EPAS1: variants seen among roughly 807,000 people sequenced by gnomAD.
EPAS1 encodes the protein endothelial PAS domain protein 1.
In EPAS1, 23 loss-of-function variants were observed where a neutral mutation model predicts 87.9. That is an observed-to-expected ratio of 0.26 (90% CI 0.19 to 0.37). The LOEUF (loss-of-function observed/expected upper bound fraction) is 0.37. Among genes scored for constraint, EPAS1 ranks in the 10% least tolerant of loss-of-function variants. The pLI is 1.00. For synonymous variants in EPAS1, 508 were observed against 444.3 expected (o/e 1.14, Z -1.80); for missense variants, 1,138 against 1,120.7 (o/e 1.02, Z -0.22).
intron 1 of EPAS1, among the ~76,000 whole-genome samples, chr2:46,309,543 G>C (rs1683172080): frequency 6.6e-6 from 1 of 152,214 alleles, no homozygotes; most frequent in African/African-American, 2.4e-5. Context: ...GAAGTGATTA[G>C]TGGAGATTAG....
intron 4 of EPAS1, among the ~76,000 whole-genome samples, chr2:46,358,617 C>G (rs575561606): frequency 3.9e-5 from 6 of 152,298 alleles, no homozygotes; most frequent in African/African-American, 1.4e-4. Context: ...TGGTATTGGA[C>G]TAGGCAAAGG....
chr2:46,308,459 T>G (rs1047694083), intron 1 of EPAS1, among the ~76,000 whole-genome samples: 1 of 82,962 alleles, frequency 1.2e-5, no homozygotes, highest in Non-Finnish European at 3.2e-5. Flanking sequence ...TTGCTTTTTT[T>G]TGGGGGGGGG....
At chr2:46,322,287 G>C (rs11687512) in intron 1 of EPAS1, among the ~76,000 whole-genome samples, 4,993 of 152,252 alleles carry the variant, frequency 0.033, 139 homozygotes, top group Non-Finnish European at 0.048. Flanking sequence ...AAAGAAGTTA[G>C]AATGTATTGA....
chr2:46,314,169 G>T (rs1444606419), intron 1 of EPAS1, among the ~76,000 whole-genome samples: 1 of 152,154 alleles, frequency 6.6e-6, no homozygotes, highest in East Asian at 1.9e-4. Context: ...CTGTCGTGGT[G>T]ATGTTATTGT....
At chr2:46,320,004 C>T (rs1683422571) in intron 1 of EPAS1, among the ~76,000 whole-genome samples, 1 of 152,158 alleles carries the variant, frequency 6.6e-6, no homozygotes, top group Non-Finnish European at 1.5e-5. Flanking sequence ...ATTTTTGCCT[C>T]ATTTTGTTTA....
chr2:46,374,529 G>C (rs557438517), intron 7 of EPAS1, among the ~76,000 whole-genome samples: 1 of 152,122 alleles, frequency 6.6e-6, no homozygotes, highest in East Asian at 1.9e-4. Flanking sequence ...AGTTATTACC[G>C]TTACTACTAT....
chr2:46,320,488 T>C (rs1380414548), intron 1 of EPAS1, among the ~76,000 whole-genome samples: 1 of 152,208 alleles, frequency 6.6e-6, no homozygotes, highest in Non-Finnish European at 1.5e-5. Context: ...CAGTGTTAAT[T>C]TGATAAATGG....
intron 2 of EPAS1, among the ~76,000 whole-genome samples, chr2:46,348,248 G>A (rs1684078424): frequency 1.3e-5 from 2 of 152,170 alleles, no homozygotes; most frequent in South Asian, 4.1e-4. Flanking sequence ...AGCCAAGGGG[G>A]AAGATATGCT....
rs756962377 is a variant in EPAS1, at chr2:46,375,558, T to G, written c.887-132T>G. 3.7e-6 allele frequency: 4 copies of G among 1,091,756 alleles called. No homozygotes were observed. The highest frequency in any genetic ancestry group is 5.4e-6 in the Non-Finnish European group (4 of 736,100). 67.6% of individuals were successfully genotyped at this position (1,091,756 alleles called of 1,614,324 possible). ...CTCCCTCCCAGGTCACTCTCCCTGG[T>G]CCTCACTGTCGTGGCGCCCTGTTCT... On this transcript the variant is annotated intron_variant, in intron 7 of 15. Coordinates refer to ENST00000263734, the MANE Select transcript of EPAS1 (RefSeq NM_001430.5). The surrounding 1 kb of genome is among the most constrained non-coding windows in gnomAD (Gnocchi z 4.1).
chr2:46,322,657 G>T (rs1400846448), intron 1 of EPAS1, among the ~76,000 whole-genome samples: 2 of 152,178 alleles, frequency 1.3e-5, no homozygotes, highest in African/African-American at 4.8e-5. Context: ...ATTTATAGAT[G>T]AGGAGCTGAG....
At position 46,381,703 on chromosome 2, in the gene EPAS1, C is replaced by G; in HGVS notation, c.2153C>G (p.Ala718Gly). 6.2e-7 allele frequency: 1 copy of G among 1,613,944 alleles called. No homozygotes were observed. The highest frequency in any genetic ancestry group is 8.5e-7 in the Non-Finnish European group (1 of 1,180,026). The stretch of plus-strand genomic sequence containing the variant: ...CGACAGCTGGAGTATGAAGAGCAAG[C>G]CTTCCAGGACCTGAGCGGGGTGAGT... ...LKRQLEYEEQAFQDLSGGDPP... is the reference protein window; with the variant it reads ...LKRQLEYEEQGFQDLSGGDPP... The change falls in exon 13 of 16, where the codon GCC becomes GGC. Residue 718 changes from alanine to glycine, a missense_variant. Physicochemically the swap from Ala to Gly is moderately conservative, Grantham distance 60 (BLOSUM62 0). This residue lies in a region of EPAS1 where 502 missense variants were observed against 427.1 expected (regional missense o/e 1.18). Transcript: ENST00000263734.
intron 10 of EPAS1, 131 bp downstream of exon 10, chr2:46,378,218 G>C (rs933973903): frequency 8.4e-6 from 12 of 1,433,574 alleles, no homozygotes; most frequent in Non-Finnish European, 1.1e-5. Context: ...GAGTGGCCGT[G>C]ACACTTACCT....
intron 1 of EPAS1, among the ~76,000 whole-genome samples, chr2:46,336,711 C>G (rs1683800152): frequency 6.6e-6 from 1 of 152,174 alleles, no homozygotes; most frequent in African/African-American, 2.4e-5. Flanking sequence ...CGCACGTGTT[C>G]CTGGGTCTCT....
chr2:46,325,499 C>G (rs1052532739), intron 1 of EPAS1, among the ~76,000 whole-genome samples: 6 of 152,198 alleles, frequency 3.9e-5, no homozygotes, highest in African/African-American at 1.4e-4. Flanking sequence ...TGACATGACT[C>G]ACTTTGGTGG....
At chr2:46,356,610 A>G in intron 3 of EPAS1, 114 bp from the exon 4 acceptor site, 1 of 872,464 alleles carries the variant, frequency 1.1e-6, no homozygotes, top group South Asian at 1.3e-5. Context: ...GATTATGAGA[A>G]AACCCAATTC....
intron 2 of EPAS1, among the ~76,000 whole-genome samples, chr2:46,349,883 T>C (rs1684114833): frequency 6.6e-6 from 1 of 152,248 alleles, no homozygotes; most frequent in Non-Finnish European, 1.5e-5. Flanking sequence ...CAGATAGACC[T>C]GCATTGGAAT....
At chr2:46,373,357 T>C (rs1195487126) in intron 7 of EPAS1, among the ~76,000 whole-genome samples, 1 of 151,932 alleles carries the variant, frequency 6.6e-6, no homozygotes, top group Non-Finnish European at 1.5e-5. Context: ...TTCATAATAA[T>C]CAAAAACTGA....
At position 46,347,126 on chromosome 2, in the gene EPAS1, C is replaced by T; in HGVS notation, c.217+63C>T. ...AGCCTTACCAGCATGTTCCTATATG[C>T]AGGGGACCCTTCTGCTGCCAGAGCT... On this transcript the variant is annotated intron_variant, in intron 2 of 15. Coordinates refer to ENST00000263734, the MANE Select transcript of EPAS1 (RefSeq NM_001430.5). This position sits in a 1 kb window ranked among gnomAD's most constrained non-coding sequence, Gnocchi z 4.2. 1 of 1,591,170 alleles carries T rather than the reference C, an allele frequency of 6.3e-7. No homozygotes were observed.
At chr2:46,383,285 G>A (rs1684942784) in intron 15 of EPAS1, among the ~76,000 whole-genome samples, 2 of 152,230 alleles carry the variant, frequency 1.3e-5, no homozygotes, top group South Asian at 4.1e-4. Flanking sequence ...AGGTAGAACA[G>A]CCTGGAAAGC....
Sources: gnomAD v4.1 joint callset for allele counts (sites outside exome capture counted in the v4.1 genomes callset) on GRCh38, gnomAD v4.1.1 for gene constraint, gnomAD v4.1.1 regional missense constraint, Gnocchi (gnomAD v3.1) non-coding constraint, MANE v1.5 for transcripts, NCBI Gene and HGNC (gene_info 2026-07-23, HGNC 2026-07-21) for gene names.